The following KIAA0825 variants were observed in gnomAD, a reference collection of about 807,000 sequenced individuals.
KIAA0825 encodes uncharacterized protein KIAA0825.
A neutral mutation model predicts 147.6 loss-of-function variants in KIAA0825; 119 were observed. The ratio of observed to expected loss-of-function variants is 0.81; its 90% CI spans 0.69 to 0.94. The LOEUF is 0.94. KIAA0825 is among the 40% of genes least tolerant of loss of function. The probability of loss-of-function intolerance (pLI) is 0.00; values close to 1 mark genes in which losing one functional copy is unlikely to be tolerated. For synonymous variants in KIAA0825, 470 were observed against 518.1 expected (o/e 0.91, Z 1.26); for missense variants, 1,381 against 1,472.7 (o/e 0.94, Z 1.02).
At chr5:94,562,013 T>TA (rs1443940835) in intron 2 of KIAA0825, among the ~76,000 whole-genome samples, 1 of 152,178 alleles carries the variant, frequency 6.6e-6, no homozygotes, top group Non-Finnish European at 1.5e-5. Flanking sequence ...AAGCCATTTT[T>TA]AAAAAATTGT....
Position 94,487,439 on chromosome 5 carries a change from G to A in KIAA0825, c.971-2509C>T, listed in dbSNP as rs902108329. ...CATTTTGTGAAAGGCCAATTAAAGC[G>A]AAATTAAGCACAAAGGATGAAGTAG... On this transcript the variant is annotated intron_variant, in intron 5 of 20. Coordinates refer to ENST00000682413, the MANE Select transcript of KIAA0825 (RefSeq NM_001145678.3). Among the ~76,000 whole-genome samples, 12 of 152,130 alleles carry A rather than the reference G, an allele frequency of 7.9e-5. No homozygotes were observed. The South Asian group carries it at 1.7e-3, about 21-fold the overall frequency.
chr5:94,154,510 G>A (rs1248428858), intron 20 of KIAA0825, among the ~76,000 whole-genome samples: 1 of 152,164 alleles, frequency 6.6e-6, no homozygotes, highest in African/African-American at 2.4e-5. Flanking sequence ...ATTAGTGGTT[G>A]TAAGTTGCAG....
chr5:94,330,180 A>C (rs1267298862), intron 20 of KIAA0825, among the ~76,000 whole-genome samples: 1 of 152,200 alleles, frequency 6.6e-6, no homozygotes, highest in Non-Finnish European at 1.5e-5. Flanking sequence ...AGAATAATGA[A>C]AGACACAAAA....
At chr5:94,618,210 G>C (rs1791105345) in intron 1 of KIAA0825, 1 of 152,210 alleles carries the variant, frequency 6.6e-6, no homozygotes, top group Non-Finnish European at 1.5e-5. Flanking sequence ...AGAGAAACTC[G>C]GCACAACGCC....
At chr5:94,178,234 T>C (rs1329298353) in intron 20 of KIAA0825, among the ~76,000 whole-genome samples, 1 of 152,052 alleles carries the variant, frequency 6.6e-6, no homozygotes, top group East Asian at 1.9e-4. Context: ...AAACATTCTC[T>C]GCAATTACTA....
At chr5:94,605,022 A>C (rs113072523) in intron 1 of KIAA0825, among the ~76,000 whole-genome samples, 2 of 144,702 alleles carry the variant, frequency 1.4e-5, no homozygotes, top group South Asian at 2.1e-4. Flanking sequence ...GAAGAAGAAA[A>C]GAGGGAAGAT....
At chr5:94,366,688 T>C (rs1043634589) in intron 20 of KIAA0825, among the ~76,000 whole-genome samples, 3 of 152,240 alleles carry the variant, frequency 2.0e-5, no homozygotes, top group Non-Finnish European at 2.9e-5. Flanking sequence ...AAGATGCTGC[T>C]ATTTTCCCTG....
At chr5:94,171,929 C>T (rs1768653446) in intron 20 of KIAA0825, among the ~76,000 whole-genome samples, 1 of 151,794 alleles carries the variant, frequency 6.6e-6, no homozygotes, top group African/African-American at 2.4e-5. Context: ...CTAGTATATG[C>T]AGAGAAAAAA....
intron 6 of KIAA0825, among the ~76,000 whole-genome samples, chr5:94,484,309 G>A (rs1200379059): frequency 6.6e-6 from 1 of 151,556 alleles, no homozygotes; most frequent in African/African-American, 2.4e-5. Flanking sequence ...ATCGAAATCT[G>A]AAGCATCTAA....
At chr5:94,210,063 C>T (rs940413530) in intron 20 of KIAA0825, among the ~76,000 whole-genome samples, 1 of 152,194 alleles carries the variant, frequency 6.6e-6, no homozygotes. Flanking sequence ...ATGGGCTTGT[C>T]TTCACTTCAG....
intron 20 of KIAA0825, among the ~76,000 whole-genome samples, chr5:94,276,438 C>T (rs934068415): frequency 3.3e-5 from 5 of 151,968 alleles, no homozygotes; most frequent in African/African-American, 1.2e-4. Flanking sequence ...GAAAAGACCA[C>T]ATTAGCTATG....
At chr5:94,322,983 C>T (rs567053206) in intron 20 of KIAA0825, among the ~76,000 whole-genome samples, 3 of 151,428 alleles carry the variant, frequency 2.0e-5, no homozygotes, top group South Asian at 4.2e-4. Flanking sequence ...AAATGGCTTA[C>T]GTGAATGTGC....
At chr5:94,155,355 C>G (rs1583687882) in intron 20 of KIAA0825, among the ~76,000 whole-genome samples, 1 of 150,752 alleles carries the variant, frequency 6.6e-6, no homozygotes, top group South Asian at 2.1e-4. Context: ...GTAGCTGGGG[C>G]TATAGGTGCA....
intron 20 of KIAA0825, among the ~76,000 whole-genome samples, chr5:94,202,399 T>A (rs981426486): frequency 1.3e-5 from 2 of 152,222 alleles, no homozygotes; most frequent in Non-Finnish European, 2.9e-5. Flanking sequence ...CTGTTTTACG[T>A]GTGCTGGGCT....
At chr5:94,192,640 C>T (rs1361777251) in intron 20 of KIAA0825, among the ~76,000 whole-genome samples, 2 of 152,056 alleles carry the variant, frequency 1.3e-5, no homozygotes, top group African/African-American at 2.4e-5. Context: ...CCCTTACCTG[C>T]GCCAGTGGCA....
At chr5:94,484,649 CTTAT>C in intron 6 of KIAA0825, 116 bp downstream of exon 6, 2 of 610,756 alleles carry the variant, frequency 3.3e-6, no homozygotes, top group Non-Finnish European at 5.4e-6. Context: ...ATACCAAATG[CTTAT>C]TTAAAGAATT....
At chr5:94,322,508 A>G (rs767841571) in intron 20 of KIAA0825, among the ~76,000 whole-genome samples, 20 of 151,848 alleles carry the variant, frequency 1.3e-4, no homozygotes, top group Admixed American at 5.3e-4. Context: ...ATTGTTCAAC[A>G]CTCTGCATTC....
chr5:94,357,272 A>C (rs909168402), intron 20 of KIAA0825, among the ~76,000 whole-genome samples: 1 of 152,220 alleles, frequency 6.6e-6, no homozygotes, highest in African/African-American at 2.4e-5. Flanking sequence ...CCAACTGATA[A>C]AACTTTGACA....
At chr5:94,518,533 A>G (rs1182285065) in intron 5 of KIAA0825, among the ~76,000 whole-genome samples, 2 of 152,138 alleles carry the variant, frequency 1.3e-5, no homozygotes, top group Non-Finnish European at 2.9e-5. Context: ...AGAAATAGAA[A>G]GATCTGCATA....
Sources: allele counts gnomAD v4.1 joint callset (sites outside exome capture counted in the v4.1 genomes callset), GRCh38; gene constraint gnomAD v4.1.1; transcripts MANE v1.5; gene names NCBI Gene and HGNC (gene_info 2026-07-23, HGNC 2026-07-21).